SCHIP1: variants seen among roughly 807,000 people sequenced by gnomAD.
SCHIP1 encodes the protein schwannomin interacting protein 1, also known as schwannomin-interacting protein 1.
SCHIP1 carries 8 observed loss-of-function variants against 29.7 expected under a neutral mutation model. The observed-to-expected ratio is 0.27, with a 90% CI of 0.16 to 0.49. SCHIP1 has a LOEUF of 0.49. Among genes scored for constraint, SCHIP1 ranks in the 20% least tolerant of loss-of-function variants. The pLI is 0.99. For missense variants in SCHIP1, 193 were observed against 294.6 expected, an observed-to-expected ratio of 0.66 and a Z score of 2.52; for synonymous variants, 76 against 94.9, an observed-to-expected ratio of 0.80 and a Z score of 1.16.
At chr3:159,425,494 A>C in the SCHIP1 span, among the ~76,000 whole-genome samples, 2 of 152,166 alleles carry the variant, frequency 1.3e-5, no homozygotes, top group Non-Finnish European at 2.9e-5. Context: ...AGAGCTAACT[A>C]TCCTAAATAT....
At chr3:159,715,447 C>A in the SCHIP1 span, among the ~76,000 whole-genome samples, 1 of 152,154 alleles carries the variant, frequency 6.6e-6, no homozygotes, top group African/African-American at 2.4e-5. Context: ...TAATAACAAA[C>A]CTCTCTGAGC....
chr3:159,756,009 T>G, the SCHIP1 span, among the ~76,000 whole-genome samples: 1 of 152,262 alleles, frequency 6.6e-6, no homozygotes, highest in Non-Finnish European at 1.5e-5. Flanking sequence ...TTTCACGGGC[T>G]GTTGTTGAGT....
the SCHIP1 span, among the ~76,000 whole-genome samples, chr3:159,735,118 A>C: frequency 2.0e-5 from 3 of 152,114 alleles, no homozygotes; most frequent in African/African-American, 7.2e-5. Context: ...TTATCTTAGA[A>C]TCTCTATAAA....
chr3:159,456,821 A>G, the SCHIP1 span, among the ~76,000 whole-genome samples: 2 of 152,224 alleles, frequency 1.3e-5, no homozygotes, highest in Admixed American at 1.3e-4. Flanking sequence ...AGTCACATAC[A>G]CACATCATAA....
the SCHIP1 span, among the ~76,000 whole-genome samples, chr3:159,597,521 A>G: frequency 6.6e-6 from 1 of 152,174 alleles, no homozygotes; most frequent in Non-Finnish European, 1.5e-5. Context: ...AAGTGAGAAC[A>G]TGTGATATTT....
the SCHIP1 span, among the ~76,000 whole-genome samples, chr3:159,791,440 C>T: frequency 6.6e-6 from 1 of 152,230 alleles, no homozygotes. Flanking sequence ...CCGGCAGGTG[C>T]CTGCTGTGGC....
the SCHIP1 span, among the ~76,000 whole-genome samples, chr3:159,560,251 G>T: frequency 6.6e-6 from 1 of 152,198 alleles, no homozygotes; most frequent in Non-Finnish European, 1.5e-5. Flanking sequence ...ACTCCTGTGT[G>T]TAAGTTAAGA....
chr3:159,363,480 G>C, the SCHIP1 span, among the ~76,000 whole-genome samples: 2 of 152,126 alleles, frequency 1.3e-5, no homozygotes, highest in East Asian at 3.9e-4. Flanking sequence ...TTCACAGGTT[G>C]TCTGATCATA....
the SCHIP1 span, chr3:159,401,297 G>A: frequency 2.2e-6 from 2 of 898,560 alleles, no homozygotes; most frequent in Non-Finnish European, 2.7e-6. Flanking sequence ...GTGAGGGGAT[G>A]TGCAAATTTG....
chr3:159,766,582 T>C, the SCHIP1 span, among the ~76,000 whole-genome samples: 1 of 152,208 alleles, frequency 6.6e-6, no homozygotes, highest in East Asian at 1.9e-4. Flanking sequence ...AGGAGGTTAG[T>C]TTGCTATTGC....
the SCHIP1 span, among the ~76,000 whole-genome samples, chr3:159,624,429 A>G: frequency 3.3e-5 from 5 of 152,350 alleles, no homozygotes; most frequent in African/African-American, 9.6e-5. Flanking sequence ...GGGCAAAGGT[A>G]TAATATTCTC....
At chr3:159,445,271 A>C in the SCHIP1 span, among the ~76,000 whole-genome samples, 1 of 151,994 alleles carries the variant, frequency 6.6e-6, no homozygotes, top group Non-Finnish European at 1.5e-5. Flanking sequence ...AAGACACATG[A>C]AAAAATGCTC....
At chr3:159,562,492 G>T in the SCHIP1 span, among the ~76,000 whole-genome samples, 4 of 152,070 alleles carry the variant, frequency 2.6e-5, no homozygotes, top group Non-Finnish European at 5.9e-5. Flanking sequence ...AACAACTGAG[G>T]GTGAAGTAAA....
chr3:159,536,685 CA>C, the SCHIP1 span, among the ~76,000 whole-genome samples: 1 of 152,112 alleles, frequency 6.6e-6, no homozygotes, highest in Non-Finnish European at 1.5e-5. Context: ...ACCTAAGGAG[CA>C]AGGGGAGAAG....
the SCHIP1 span, among the ~76,000 whole-genome samples, chr3:159,554,982 T>C: frequency 6.6e-6 from 1 of 152,096 alleles, no homozygotes; most frequent in African/African-American, 2.4e-5. Context: ...CATGGATACA[T>C]TGTCTAATGA....
the SCHIP1 span, among the ~76,000 whole-genome samples, chr3:159,645,297 G>A: frequency 6.6e-6 from 1 of 152,034 alleles, no homozygotes; most frequent in Non-Finnish European, 1.5e-5. Context: ...CTAAAACAAG[G>A]CAGGCTGCCT....
chr3:159,823,704 A>G, the SCHIP1 span, among the ~76,000 whole-genome samples: 1 of 152,226 alleles, frequency 6.6e-6, no homozygotes, highest in Admixed American at 6.5e-5. Context: ...TTCTCGACAT[A>G]AATGACTGTA....
the SCHIP1 span, among the ~76,000 whole-genome samples, chr3:159,411,590 G>T: frequency 6.6e-6 from 1 of 152,066 alleles, no homozygotes; most frequent in Non-Finnish European, 1.5e-5. Context: ...AATCTTAGAA[G>T]TATTCATAAT....
At chr3:159,300,694 G>C in the SCHIP1 span, among the ~76,000 whole-genome samples, 1 of 152,202 alleles carries the variant, frequency 6.6e-6, no homozygotes, top group Non-Finnish European at 1.5e-5. Flanking sequence ...TGCTTATTTT[G>C]AAAGAGGCAG....
Sources: allele counts gnomAD v4.1 joint callset (sites outside exome capture counted in the v4.1 genomes callset), GRCh38; gene constraint gnomAD v4.1.1; transcripts MANE v1.5; gene names NCBI Gene and HGNC (gene_info 2026-07-23, HGNC 2026-07-21).